ZGRF1: variants seen among roughly 807,000 people sequenced by gnomAD.
The protein encoded by ZGRF1 is zinc finger GRF-type containing 1.
A neutral mutation model predicts 203.5 loss-of-function variants in ZGRF1; 196 were observed. That is an observed-to-expected ratio of 0.96 (90% CI 0.86 to 1.08). ZGRF1 has a LOEUF of 1.08. Ranked by LOEUF, ZGRF1 falls within the 50% of genes least tolerant of loss-of-function variation. ZGRF1 has a pLI of 0.00. For synonymous variants in ZGRF1, 809 were observed against 841.3 expected, an observed-to-expected ratio of 0.96 and a Z score of 0.66; for missense variants, 2,326 against 2,416.3, an observed-to-expected ratio of 0.96 and a Z score of 0.78.
chr4:112,605,397 G>C (rs1578423695), intron 9 of ZGRF1, among the ~76,000 whole-genome samples: 1 of 152,140 alleles, frequency 6.6e-6, no homozygotes, highest in African/African-American at 2.4e-5. Flanking sequence ...CTGGCCTCAA[G>C]TGATCCACCC....
chr4:112,573,979 A>G (rs533664402), intron 16 of ZGRF1, among the ~76,000 whole-genome samples: 1 of 152,198 alleles, frequency 6.6e-6, no homozygotes, highest in Admixed American at 6.5e-5. Context: ...ATCATCTTAT[A>G]CTCATTTGAA....
chr4:112,620,188 C>A lies in ZGRF1; in HGVS notation c.165G>T (p.Val55=). The A allele has an allele frequency of 6.3e-7, 1 of 1,594,424 alleles. No homozygotes were observed. Among genetic ancestry groups the A allele is most frequent in the Non-Finnish European group, 8.5e-7 (1 of 1,173,390 alleles). Reference sequence around the variant, plus strand: ...CACTTTCTAAGTCATCTCCAGGTTTCACCTGAAAGAATAAATGTCAAAATC... The same window carrying A: ...CACTTTCTAAGTCATCTCCAGGTTTAACCTGAAAGAATAAATGTCAAAATC... The part of the protein sequence containing the change: ...LESLFLKCLE[V]KPGDDLESDR... Residue 55 remains valine (V), a splice_region_variant and synonymous_variant, in exon 5 of 28, where the codon GTG becomes GTT. Transcript: ENST00000505019.
chr4:112,633,559 G>C lies in ZGRF1; in HGVS notation c.-66-317C>G, dbSNP rs1472025892. 3.9e-5 allele frequency among the ~76,000 whole-genome samples: 6 copies of C among 152,186 alleles called. No individual in the cohort carries two copies. The East Asian group carries it at 9.6e-4, about 24-fold the overall frequency. On this transcript the variant is annotated intron_variant, in intron 1 of 27. Coordinates refer to ENST00000505019, the MANE Select transcript of ZGRF1 (RefSeq NM_018392.5). ...TCCTCCACATGTTTGGTTCCCTATAGCGCAAATTCAATTTTTAAAGTTTTC... is the reference window on the plus strand; with the variant it reads ...TCCTCCACATGTTTGGTTCCCTATACCGCAAATTCAATTTTTAAAGTTTTC...
At chr4:112,630,818 C>T (rs1450792067) in intron 3 of ZGRF1, among the ~76,000 whole-genome samples, 2 of 150,284 alleles carry the variant, frequency 1.3e-5, no homozygotes, top group African/African-American at 4.9e-5. Context: ...ACGTGGGAGG[C>T]GGAGGCTGCA....
rs368185055 is a variant in ZGRF1 at position 112,579,719 on chromosome 4, C to T, written c.4438+1944G>A. On this transcript the variant is annotated intron_variant, in intron 16 of 27. Transcript: ENST00000505019. ...ACCTAGGAATCCAACTTACAAGGGA[C>T]GTGAAGGACCTCTTCAAGGAGAACT... 2.5e-5 allele frequency among the ~76,000 whole-genome samples: 3 copies of T among 120,000 alleles called. 1 individual carries two copies. Among genetic ancestry groups the T allele is most frequent in the Admixed American group, 9.6e-5 (1 of 10,416 alleles). The allele number at this position is 120,000 out of a possible 152,430, so 78.7% of individuals were successfully genotyped here.
chr4:112,634,958 C>T (rs1218118471), intron 1 of ZGRF1, among the ~76,000 whole-genome samples: 3 of 151,684 alleles, frequency 2.0e-5, no homozygotes, highest in African/African-American at 4.8e-5. Flanking sequence ...GGTGAAACCC[C>T]GTCTCTACTA....
chr4:112,567,423 T>C (rs1351148509), intron 16 of ZGRF1, among the ~76,000 whole-genome samples: 1 of 151,196 alleles, frequency 6.6e-6, no homozygotes, highest in Admixed American at 6.6e-5. Flanking sequence ...GGGCAAATAA[T>C]TTAAATTTGG....
At chr4:112,559,023 C>T (rs1021557579) in intron 19 of ZGRF1, among the ~76,000 whole-genome samples, 12 of 152,282 alleles carry the variant, frequency 7.9e-5, no homozygotes, top group Middle Eastern at 6.8e-3. Flanking sequence ...CAAAGCATGT[C>T]GCTGTTAAAA....
rs752679627 is a variant in ZGRF1 at position 112,561,039 on chromosome 4, T to C, written c.4698-44A>G. 8 of 1,456,580 alleles carry C rather than the reference T, an allele frequency of 5.5e-6. No individual in the cohort carries two copies. In the African/African-American group the frequency reaches 9.8e-5, roughly 18 times the overall value. The allele number at this position is 1,456,580 out of a possible 1,614,324, so 90.2% of individuals were successfully genotyped here. ...ATAAACAATTTTAAAAAAAGGGGCA[T>C]TTGAAAAAGATGAGTAGAATAATTC... On this transcript the variant is annotated intron_variant, in intron 18 of 27. Transcript: ENST00000505019.
At position 112,540,903 on chromosome 4, in the gene ZGRF1, T is replaced by C. The variant is rs768695523; in HGVS notation, c.5828A>G (p.Lys1943Arg). The change falls in exon 26 of 28, where the codon AAG becomes AGG. Residue 1943 changes from lysine (K) to arginine (R), a missense_variant. By Grantham distance (26) the Lys-to-Arg change is conservative. Coordinates refer to ENST00000505019, the MANE Select transcript of ZGRF1 (RefSeq NM_018392.5). ...ACTTGCAATCAGTGATTGAATCAGC[T>C]TGAGTGTAAACGTAGCTTCTGCCAC... Reference protein sequence around the residue: ...HNVAEATFTLKLIQSLIASGI... With the variant: ...HNVAEATFTLRLIQSLIASGI... The C allele has an allele frequency of 6.3e-7, 1 of 1,584,318 alleles. No homozygotes were observed. The highest frequency in any genetic ancestry group is 8.6e-7 in the Non-Finnish European group (1 of 1,163,514).
chr4:112,565,659 A>C (rs1296855115), intron 16 of ZGRF1, among the ~76,000 whole-genome samples: 4 of 152,184 alleles, frequency 2.6e-5, no homozygotes, highest in Non-Finnish European at 5.9e-5. Flanking sequence ...AGAAAAAAAC[A>C]AACAACCCCA....
chr4:112,597,179 A>T (rs1283879578), intron 10 of ZGRF1, among the ~76,000 whole-genome samples: 3 of 146,000 alleles, frequency 2.1e-5, no homozygotes, highest in African/African-American at 7.7e-5. Context: ...ACACCACTGC[A>T]CTCCAGCCTG....
intron 8 of ZGRF1, among the ~76,000 whole-genome samples, chr4:112,606,460 G>C (rs538185554): frequency 6.6e-6 from 1 of 152,158 alleles, no homozygotes; most frequent in South Asian, 2.1e-4. Context: ...TCAGGAGTTC[G>C]AGACCAGCCT....
chr4:112,559,435 A>G (rs1240589454), intron 19 of ZGRF1, among the ~76,000 whole-genome samples: 1 of 152,158 alleles, frequency 6.6e-6, no homozygotes, highest in Non-Finnish European at 1.5e-5. Context: ...CCTGAGCTTA[A>G]GCGAGCTACC....
chr4:112,551,867 A>T (rs1343478555), intron 22 of ZGRF1, among the ~76,000 whole-genome samples: 1 of 152,168 alleles, frequency 6.6e-6, no homozygotes, highest in African/African-American at 2.4e-5. Flanking sequence ...TTTATTTATT[A>T]TTATGTTGCT....
chr4:112,600,889 A>G (rs946328869), intron 10 of ZGRF1, among the ~76,000 whole-genome samples: 1 of 152,090 alleles, frequency 6.6e-6, no homozygotes, highest in African/African-American at 2.4e-5. Context: ...GTGGGCTCCC[A>G]GAGATCGGGG....
chr4:112,622,795 A>C (rs142149476), intron 4 of ZGRF1, among the ~76,000 whole-genome samples: 197 of 152,188 alleles, frequency 1.3e-3, no homozygotes, highest in African/African-American at 4.2e-3. Context: ...AAAAACACAA[A>C]CTATGTATTT....
In ZGRF1 at chr4:112,624,274, C is replaced by T. The variant is rs559811543; in HGVS notation, c.103-398G>A. ...TTCATGCCTGTAATCCCAGCATTTT[C>T]GGAGGCCAAAGCAGGTGGATCACTT... On this transcript the variant is annotated intron_variant, in intron 3 of 27. Transcript: ENST00000505019. Among the ~76,000 whole-genome samples, 265 of 151,752 alleles carry T rather than the reference C, an allele frequency of 1.7e-3. 1 individual carries two copies. Among genetic ancestry groups the T allele is most frequent in the African/African-American group, 5.7e-3 (237 of 41,364 alleles).
Position 112,631,990 on chromosome 4 carries a change from C to G in ZGRF1, c.42G>C (p.Lys14Asn), listed in dbSNP as rs188035238. ...QEFIVLYTHQ[K>N]MKKSKVWQDG... ...CTTGCCACACTTTTGACTTCTTCAT[C>G]TTTTGATGAGTATATAGAACCTTAT... The change falls in exon 3 of 28, where the codon AAG becomes AAC. Residue 14 changes from lysine to asparagine, a missense_variant. Transcript: ENST00000505019. 2.7e-5 allele frequency: 43 copies of G among 1,586,710 alleles called. No homozygotes were observed. In the African/African-American group the frequency reaches 4.8e-4, roughly 18 times the overall value.
Sources: allele counts gnomAD v4.1 joint callset (sites outside exome capture counted in the v4.1 genomes callset), GRCh38; gene constraint gnomAD v4.1.1; transcripts MANE v1.5; gene names NCBI Gene and HGNC (gene_info 2026-07-23, HGNC 2026-07-21).